Variants in CSGALNACT1 observed in about 807,000 individuals in gnomAD.
CSGALNACT1 encodes chondroitin sulfate N-acetylgalactosaminyltransferase 1, also known as beta4GalNAcT-1.
In CSGALNACT1, 52 loss-of-function variants were observed where a neutral mutation model predicts 51.0. That is an observed-to-expected ratio of 1.02 (90% confidence interval 0.82 to 1.29). CSGALNACT1 has a LOEUF of 1.29. Ranked by LOEUF, CSGALNACT1 falls within the 50% of genes most tolerant of loss-of-function variation. The pLI is 0.00. For synonymous variants in CSGALNACT1, 341 were observed against 254.4 expected (o/e 1.34, Z -3.24); for missense variants, 935 against 679.2 (o/e 1.38, Z -4.19).
intron 3 of CSGALNACT1, among the ~76,000 whole-genome samples, chr8:19,559,841 C>T (rs1438558680): frequency 6.6e-6 from 1 of 152,170 alleles, no homozygotes; most frequent in African/African-American, 2.4e-5. Context: ...AGAATCAATA[C>T]AATGCCAATA....
At chr8:19,481,310 C>T (rs867898107) in intron 4 of CSGALNACT1, among the ~76,000 whole-genome samples, 1 of 152,076 alleles carries the variant, frequency 6.6e-6, no homozygotes, top group Non-Finnish European at 1.5e-5. Context: ...TTGCTAGTCA[C>T]GGTCCTGTTT....
intron 1 of CSGALNACT1, among the ~76,000 whole-genome samples, chr8:19,676,786 A>G (rs1437446614): frequency 6.6e-6 from 1 of 152,214 alleles, no homozygotes; most frequent in African/African-American, 2.4e-5. Context: ...ATCAACCCAG[A>G]CAGGATTGGA....
At chr8:19,730,940 G>A (rs1418784495) in intron 1 of CSGALNACT1, among the ~76,000 whole-genome samples, 1 of 152,178 alleles carries the variant, frequency 6.6e-6, no homozygotes, top group African/African-American at 2.4e-5. Context: ...ATGCCACGAG[G>A]ACAGCTGGCA....
At chr8:19,730,485 G>A (rs1043707863) in intron 1 of CSGALNACT1, among the ~76,000 whole-genome samples, 2 of 152,210 alleles carry the variant, frequency 1.3e-5, no homozygotes, top group Non-Finnish European at 2.9e-5. Flanking sequence ...TGATGTTTAA[G>A]TGGCCTGCTA....
intron 3 of CSGALNACT1, among the ~76,000 whole-genome samples, chr8:19,556,297 AC>A (rs1306464750): frequency 6.6e-6 from 1 of 151,704 alleles, no homozygotes; most frequent in East Asian, 1.9e-4. Context: ...AATCGCTTGA[AC>A]CTAGGAGGCA....
intron 3 of CSGALNACT1, among the ~76,000 whole-genome samples, chr8:19,537,353 T>C (rs2083991371): frequency 6.6e-6 from 1 of 152,168 alleles, no homozygotes; most frequent in Admixed American, 6.5e-5. Flanking sequence ...TAAACGGTCT[T>C]CGTGGCTTCA....
chr8:19,407,919 G>GTC (rs1182110949), intron 9 of CSGALNACT1, among the ~76,000 whole-genome samples: 1 of 74,554 alleles, frequency 1.3e-5, no homozygotes, highest in African/African-American at 3.6e-5. Context: ...GTGTGTGTGT[G>GTC]TGTGTGTGTG....
chr8:19,631,369 T>C (rs898952012), intron 1 of CSGALNACT1, among the ~76,000 whole-genome samples: 4 of 152,226 alleles, frequency 2.6e-5, no homozygotes, highest in Non-Finnish European at 5.9e-5. Flanking sequence ...TGCTGTGTTT[T>C]AGATTCCAGA....
chr8:19,532,286 C>T (rs764791941), intron 3 of CSGALNACT1, among the ~76,000 whole-genome samples: 33 of 152,116 alleles, frequency 2.2e-4, no homozygotes, highest in Non-Finnish European at 4.1e-4. Context: ...GCTATACCCA[C>T]CCTCCTCCCA....
chr8:19,482,883 C>A (rs1461810632), intron 4 of CSGALNACT1, among the ~76,000 whole-genome samples: 1 of 152,120 alleles, frequency 6.6e-6, no homozygotes, highest in African/African-American at 2.4e-5. Context: ...CTCAAAGTCA[C>A]CCCTACAACT....
chr8:19,489,590 G>C (rs1055552503), intron 4 of CSGALNACT1, among the ~76,000 whole-genome samples: 1 of 152,170 alleles, frequency 6.6e-6, no homozygotes, highest in African/African-American at 2.4e-5. Context: ...GGGCTACAAA[G>C]TGGTATGAGA....
intron 1 of CSGALNACT1, among the ~76,000 whole-genome samples, chr8:19,616,841 C>T (rs1451442138): frequency 2.0e-5 from 3 of 152,152 alleles, no homozygotes; most frequent in South Asian, 2.1e-4. Context: ...ATTAAGCCAG[C>T]GGTCCCCAAC....
At chr8:19,459,983 T>C (rs2065016311) in intron 4 of CSGALNACT1, among the ~76,000 whole-genome samples, 1 of 152,122 alleles carries the variant, frequency 6.6e-6, no homozygotes, top group Admixed American at 6.6e-5. Flanking sequence ...CAAGCCTCCC[T>C]AGGGTCTAGG....
chr8:19,491,243 A>G (rs2074295966), intron 4 of CSGALNACT1, among the ~76,000 whole-genome samples: 2 of 152,204 alleles, frequency 1.3e-5, no homozygotes, highest in Admixed American at 1.3e-4. Context: ...TGTTTACCGT[A>G]CAATATTCTA....
chr8:19,700,681 T>C (rs1442892251), intron 1 of CSGALNACT1, among the ~76,000 whole-genome samples: 1 of 152,200 alleles, frequency 6.6e-6, no homozygotes, highest in Non-Finnish European at 1.5e-5. Context: ...CCTTCCTCTC[T>C]TGAACAAACT....
At chr8:19,746,508 G>A (rs932504460) in intron 1 of CSGALNACT1, among the ~76,000 whole-genome samples, 5 of 152,216 alleles carry the variant, frequency 3.3e-5, no homozygotes, top group Non-Finnish European at 1.5e-5. Flanking sequence ...GGTCATCTTA[G>A]ATAAGTCACT....
intron 1 of CSGALNACT1, among the ~76,000 whole-genome samples, chr8:19,633,193 G>A (rs1193842803): frequency 6.6e-6 from 1 of 152,136 alleles, no homozygotes; most frequent in East Asian, 1.9e-4. Flanking sequence ...GCCGAATTAA[G>A]AGGGCTTCCC....
intron 3 of CSGALNACT1, among the ~76,000 whole-genome samples, chr8:19,552,480 C>T (rs936708859): frequency 6.6e-5 from 10 of 152,062 alleles, no homozygotes; most frequent in Admixed American, 2.0e-4. Flanking sequence ...ATTATCACTC[C>T]GAGACCAAGT....
chr8:19,417,180 A>G (rs556418400), intron 8 of CSGALNACT1, among the ~76,000 whole-genome samples: 1 of 152,216 alleles, frequency 6.6e-6, no homozygotes, highest in East Asian at 1.9e-4. Flanking sequence ...AGACGTGAAA[A>G]ACTCTTACTG....
Sources: gnomAD v4.1 joint callset for allele counts (sites outside exome capture counted in the v4.1 genomes callset) on GRCh38, gnomAD v4.1.1 for gene constraint, MANE v1.5 for transcripts, NCBI Gene and HGNC (gene_info 2026-07-23, HGNC 2026-07-21) for gene names.